Variants in TAFA2 observed in about 807,000 individuals in gnomAD.
TAFA2 encodes TAFA chemokine like family member 2.
TAFA2 carries 7 observed loss-of-function variants against 18.8 expected under a neutral mutation model. The observed-to-expected ratio is 0.37, with a 90% CI of 0.21 to 0.70. The LOEUF is 0.70. Ranked by LOEUF, TAFA2 falls within the 30% of genes least tolerant of loss-of-function variation. TAFA2 has a pLI of 0.53. For synonymous variants in TAFA2, 60 were observed against 54.2 expected (o/e 1.11, Z -0.47); for missense variants, 122 against 158.1 (o/e 0.77, Z 1.23).
intron 1 of TAFA2, among the ~76,000 whole-genome samples, chr12:62,012,409 AT>A (rs1880800691): frequency 7.8e-5 from 4 of 51,354 alleles, no homozygotes; most frequent in Non-Finnish European, 1.3e-4. Context: ...ATATTTCAGC[AT>A]TTAAAAAAAA....
At chr12:61,976,273 T>G (rs893916978) in intron 1 of TAFA2, among the ~76,000 whole-genome samples, 12 of 151,906 alleles carry the variant, frequency 7.9e-5, no homozygotes. Flanking sequence ...TTAGTTGTTA[T>G]AAGACACTCC....
chr12:62,165,430 A>G (rs1377477472), intron 1 of TAFA2, among the ~76,000 whole-genome samples: 2 of 152,088 alleles, frequency 1.3e-5, no homozygotes, highest in East Asian at 1.9e-4. Context: ...TAATCTCTGT[A>G]TGAAGATAAC....
intron 1 of TAFA2, among the ~76,000 whole-genome samples, chr12:62,051,450 G>A (rs1882052414): frequency 6.6e-6 from 1 of 152,024 alleles, no homozygotes; most frequent in Non-Finnish European, 1.5e-5. Context: ...GAGGATACAA[G>A]GTCAGGTATG....
chr12:61,753,558 G>A, intron 4 of TAFA2, 64 bp downstream of exon 4: 2 of 1,482,498 alleles, frequency 1.3e-6, no homozygotes, highest in Non-Finnish European at 1.8e-6. Flanking sequence ...ATTGGTTACT[G>A]CACAAGCTCC....
rs1275467989 is a variant in TAFA2 at position 61,708,771 on chromosome 12, T to C, written c.*1635A>G. 1 of 152,170 alleles carries C rather than the reference T, an allele frequency of 6.6e-6. No individual in the cohort carries two copies. Among genetic ancestry groups the C allele is most frequent in the Admixed American group, 6.6e-5 (1 of 15,262 alleles). The allele number at this position is 152,170 out of a possible 1,614,324, so 9.4% of individuals were successfully genotyped here. A position where few individuals can be genotyped will look rare whatever the true frequency, so the allele number is the denominator to read the frequency against. ...TTATTTTTAACCAATTTTACATTTT[T>C]AGTTGCTCTTCCCAGGAAAGTGTCT... is the stretch of plus-strand genomic sequence containing the variant. On this transcript the variant is annotated 3_prime_UTR_variant, in exon 5 of 5. Coordinates refer to ENST00000416284, the MANE Select transcript of TAFA2 (RefSeq NM_178539.5).
chr12:62,149,587 T>TTTTA (rs2062313145), intron 1 of TAFA2, among the ~76,000 whole-genome samples: 2 of 146,930 alleles, frequency 1.4e-5, no homozygotes, highest in African/African-American at 4.9e-5. Context: ...TATATACACA[T>TTTTA]TATATATATA....
chr12:62,106,204 G>A (rs1869443978), intron 1 of TAFA2, among the ~76,000 whole-genome samples: 1 of 151,702 alleles, frequency 6.6e-6, no homozygotes, highest in Non-Finnish European at 1.5e-5. Flanking sequence ...TGTGGTGGTG[G>A]GCGCCTGTAA....
chr12:61,983,692 C>T (rs79295261), intron 1 of TAFA2, among the ~76,000 whole-genome samples: 9,544 of 152,174 alleles, frequency 0.063, 398 homozygotes, highest in Non-Finnish European at 0.096. Flanking sequence ...TTAATCAGTA[C>T]TCTATAAATC....
chr12:62,086,019 C>T (rs990364929), intron 1 of TAFA2, among the ~76,000 whole-genome samples: 5 of 152,038 alleles, frequency 3.3e-5, no homozygotes, highest in Admixed American at 2.6e-4. Flanking sequence ...TCTCCTTCTG[C>T]CATGATTGTA....
At chr12:61,981,351 A>G (rs1417284952) in intron 1 of TAFA2, among the ~76,000 whole-genome samples, 1 of 152,228 alleles carries the variant, frequency 6.6e-6, no homozygotes, top group African/African-American at 2.4e-5. Flanking sequence ...AAAACCATAA[A>G]AACCCTAAAA....
At chr12:61,799,682 C>A (rs887903002) in intron 2 of TAFA2, among the ~76,000 whole-genome samples, 1 of 151,982 alleles carries the variant, frequency 6.6e-6, no homozygotes, top group African/African-American at 2.4e-5. Context: ...ATTAGCCGGG[C>A]GTGGTGGCTG....
At chr12:62,030,525 G>C (rs1196790857) in intron 1 of TAFA2, among the ~76,000 whole-genome samples, 1 of 152,096 alleles carries the variant, frequency 6.6e-6, no homozygotes, top group Non-Finnish European at 1.5e-5. Context: ...TGACAAACAA[G>C]GAAGACATCT....
chr12:61,951,050 T>A lies in TAFA2; in HGVS notation c.-1-83624A>T, dbSNP rs937820850. On this transcript the variant is annotated intron_variant, in intron 1 of 4. Transcript: ENST00000416284. ...CCCTAGCCTTGACTTTTGCCCTAAA[T>A]GACCAATGCTGCAAATTAGATGCTG... is the stretch of plus-strand genomic sequence containing the variant. Among the ~76,000 whole-genome samples the A allele has an allele frequency of 2.0e-5, 3 of 152,102 alleles. No homozygotes were observed. In the East Asian group the frequency reaches 5.8e-4, roughly 29 times the overall value.
At chr12:61,897,333 C>A (rs1399126638) in intron 1 of TAFA2, among the ~76,000 whole-genome samples, 1 of 152,022 alleles carries the variant, frequency 6.6e-6, no homozygotes, top group Non-Finnish European at 1.5e-5. Flanking sequence ...TTTTTTCACT[C>A]AACATTTTAC....
chr12:62,220,322 T>C (rs1332033734), intron 1 of TAFA2, among the ~76,000 whole-genome samples: 1 of 152,006 alleles, frequency 6.6e-6, no homozygotes. Context: ...ACAAAAAATT[T>C]TTAAAAATAT....
In TAFA2 at chr12:61,990,465, G is replaced by A. The variant is rs1307984163; in HGVS notation, c.-1-123039C>T. On this transcript the variant is annotated intron_variant, in intron 1 of 4. Transcript: ENST00000416284. ...CACCATTCTCCTGCCTCAGCCTCCC[G>A]AGTAGCTGGGACTACAGGTGCCCGC... Among the ~76,000 whole-genome samples the A allele has an allele frequency of 7.4e-5, 11 of 148,996 alleles. No homozygotes were observed. The East Asian group carries it at 1.8e-3, about 25-fold the overall frequency.
intron 1 of TAFA2, among the ~76,000 whole-genome samples, chr12:62,226,647 AG>A (rs1292658274): frequency 3.3e-5 from 5 of 152,186 alleles, no homozygotes; most frequent in African/African-American, 9.7e-5. Context: ...AATATCTAAG[AG>A]AAAGTTTACC....
At chr12:62,245,564 A>G (rs530658679) in intron 1 of TAFA2, among the ~76,000 whole-genome samples, 9 of 149,566 alleles carry the variant, frequency 6.0e-5, no homozygotes, top group Admixed American at 5.3e-4. Flanking sequence ...TTTCTTGACC[A>G]GTTTTGTTGA....
chr12:61,943,583 G>A (rs539564801), intron 1 of TAFA2, among the ~76,000 whole-genome samples: 5 of 150,530 alleles, frequency 3.3e-5, no homozygotes, highest in African/African-American at 9.8e-5. Context: ...GACACACATA[G>A]GCTCAAAATA....
Sources: gnomAD v4.1 joint callset for allele counts (sites outside exome capture counted in the v4.1 genomes callset) on GRCh38, gnomAD v4.1.1 for gene constraint, MANE v1.5 for transcripts, NCBI Gene and HGNC (gene_info 2026-07-23, HGNC 2026-07-21) for gene names.